The following FHIT variants were observed in gnomAD, a reference collection of about 807,000 sequenced individuals.
FHIT encodes the protein fragile histidine triad diadenosine triphosphatase.
FHIT carries 19 observed loss-of-function variants against 17.9 expected under a neutral mutation model. The observed-to-expected ratio is 1.06, with a 90% CI of 0.74 to 1.56. The LOEUF (loss-of-function observed/expected upper bound fraction) is 1.56, where lower values mean the gene tolerates loss of function less well. Ranked by LOEUF, FHIT falls within the 40% of genes most tolerant of loss-of-function variation. The probability of loss-of-function intolerance (pLI) is 0.00; values close to 1 mark genes in which losing one functional copy is unlikely to be tolerated. For synonymous variants in FHIT, 81 were observed against 69.7 expected (o/e 1.16, Z -0.81); for missense variants, 248 against 189.2 (o/e 1.31, Z -1.82).
chr3:61,044,885 C>A (rs2033707925), intron 2 of FHIT, among the ~76,000 whole-genome samples: 1 of 152,232 alleles, frequency 6.6e-6, no homozygotes, highest in South Asian at 2.1e-4. Flanking sequence ...CCAAACTAAT[C>A]TTCACAAGTG....
At chr3:61,240,455 AG>A (rs2040347431) in intron 1 of FHIT, among the ~76,000 whole-genome samples, 1 of 152,174 alleles carries the variant, frequency 6.6e-6, no homozygotes, top group African/African-American at 2.4e-5. Flanking sequence ...CTCCTCTCCC[AG>A]GGTGGGCATT....
At chr3:60,626,106 A>G (rs934970117) in intron 4 of FHIT, among the ~76,000 whole-genome samples, 1 of 152,146 alleles carries the variant, frequency 6.6e-6, no homozygotes, top group Non-Finnish European at 1.5e-5. Context: ...TTATGTCAGC[A>G]CTACACTCTC....
intron 4 of FHIT, among the ~76,000 whole-genome samples, chr3:60,797,606 CTT>C (rs1355396735): frequency 6.6e-6 from 1 of 150,942 alleles, no homozygotes; most frequent in Non-Finnish European, 1.5e-5. Context: ...GACATAGTAA[CTT>C]AGGCATATTT....
At chr3:61,095,651 T>A (rs11708181) in intron 2 of FHIT, among the ~76,000 whole-genome samples, 12,802 of 150,218 alleles carry the variant, frequency 0.085, 625 homozygotes, top group East Asian at 0.12. Flanking sequence ...GCATCTGTTT[T>A]AAAAAAAAAA....
At chr3:60,642,372 T>G (rs1345483804) in intron 4 of FHIT, among the ~76,000 whole-genome samples, 14 of 152,184 alleles carry the variant, frequency 9.2e-5, no homozygotes, top group Non-Finnish European at 1.5e-5. Flanking sequence ...AAAAGCTAAT[T>G]CAGTCAGACC....
chr3:60,953,987 G>A (rs1553778018), intron 3 of FHIT, among the ~76,000 whole-genome samples: 1 of 152,154 alleles, frequency 6.6e-6, no homozygotes, highest in East Asian at 1.9e-4. Context: ...GGAGCCCAAA[G>A]GGTTTCTGCA....
At chr3:60,216,793 C>T (rs1703719102) in intron 5 of FHIT, among the ~76,000 whole-genome samples, 1 of 152,100 alleles carries the variant, frequency 6.6e-6, no homozygotes, top group Non-Finnish European at 1.5e-5. Context: ...TGTCTGCTTA[C>T]CCTTTCCTGC....
chr3:60,207,441 C>A (rs560165682), intron 5 of FHIT, among the ~76,000 whole-genome samples: 3 of 152,162 alleles, frequency 2.0e-5, no homozygotes, highest in Admixed American at 1.3e-4. Context: ...ACTTTTCTTA[C>A]TATATCTGTA....
At chr3:61,215,765 C>T (rs1309005358) in intron 1 of FHIT, among the ~76,000 whole-genome samples, 1 of 152,118 alleles carries the variant, frequency 6.6e-6, no homozygotes, top group East Asian at 1.9e-4. Context: ...CTACAGTAAC[C>T]AAAACAGCAT....
At chr3:61,141,066 A>T (rs2037067308) in intron 2 of FHIT, among the ~76,000 whole-genome samples, 1 of 152,194 alleles carries the variant, frequency 6.6e-6, no homozygotes, top group Admixed American at 6.5e-5. Context: ...CATATGTTCA[A>T]CACACCCAGA....
At chr3:60,957,859 GCTT>G (rs1709244484) in intron 3 of FHIT, among the ~76,000 whole-genome samples, 1 of 152,194 alleles carries the variant, frequency 6.6e-6, no homozygotes. Context: ...ACATAGGTGA[GCTT>G]CTGGAAAGCA....
intron 5 of FHIT, among the ~76,000 whole-genome samples, chr3:60,067,259 T>A (rs146735902): frequency 9.9e-5 from 15 of 152,152 alleles, no homozygotes; most frequent in African/African-American, 3.1e-4. Context: ...TAAATAGATA[T>A]GGAAGTCTAT....
At chr3:60,554,642 T>C (rs577736307) in intron 4 of FHIT, among the ~76,000 whole-genome samples, 9 of 152,316 alleles carry the variant, frequency 5.9e-5, no homozygotes, top group East Asian at 5.8e-4. Flanking sequence ...TTAAGAAACA[T>C]TGGGTCTTTT....
At chr3:61,043,567 C>G (rs546465624) in intron 2 of FHIT, among the ~76,000 whole-genome samples, 12 of 152,184 alleles carry the variant, frequency 7.9e-5, no homozygotes, top group Non-Finnish European at 1.6e-4. Flanking sequence ...CACAGCTGAA[C>G]AAAAGGCAGC....
chr3:60,667,325 G>T (rs1405528265), intron 4 of FHIT, among the ~76,000 whole-genome samples: 2 of 151,730 alleles, frequency 1.3e-5, no homozygotes, highest in Non-Finnish European at 2.9e-5. Context: ...TGATTGGGTG[G>T]ATTCCATTGT....
At chr3:60,393,952 T>C (rs766279391) in intron 5 of FHIT, among the ~76,000 whole-genome samples, 4 of 152,120 alleles carry the variant, frequency 2.6e-5, no homozygotes, top group African/African-American at 9.7e-5. Context: ...CCAGCTTGGA[T>C]TGATCCAGGA....
rs183503827 is a variant in FHIT, at chr3:60,000,175, G to A, written c.279+11196C>T. Reference sequence around the variant, plus strand: ...AAGTCCTCCATGATGATGGGACTCCGATCCTTTAGAGTGTAGGATTCCTAA... The same window carrying A: ...AAGTCCTCCATGATGATGGGACTCCAATCCTTTAGAGTGTAGGATTCCTAA... On this transcript the variant is annotated intron_variant, in intron 7 of 9. Transcript: ENST00000492590. Among the ~76,000 whole-genome samples, 170 of 152,234 alleles carry A rather than the reference G, an allele frequency of 1.1e-3. 1 individual carries two copies. Among genetic ancestry groups the A allele is most frequent in the Non-Finnish European group, 7.9e-4 (54 of 68,010 alleles).
At chr3:59,936,458 TTAA>T (rs1162256830) in intron 7 of FHIT, among the ~76,000 whole-genome samples, 1 of 41,300 alleles carries the variant, frequency 2.4e-5, no homozygotes, top group Non-Finnish European at 4.9e-5. Flanking sequence ...TTACAGTTCT[TTAA>T]TTTATGTTTC....
intron 5 of FHIT, among the ~76,000 whole-genome samples, chr3:60,292,566 A>G (rs1056227512): frequency 6.6e-6 from 1 of 152,198 alleles, no homozygotes; most frequent in African/African-American, 2.4e-5. Context: ...ATAAGAGCAT[A>G]TAATACTCAG....
Sources: gnomAD v4.1 joint callset for allele counts (sites outside exome capture counted in the v4.1 genomes callset) on GRCh38, gnomAD v4.1.1 for gene constraint, MANE v1.5 for transcripts, NCBI Gene and HGNC (gene_info 2026-07-23, HGNC 2026-07-21) for gene names.